Variants in LPXN observed in about 807,000 individuals in gnomAD.
LPXN encodes leupaxin.
In LPXN, 28 loss-of-function variants were observed where a neutral mutation model predicts 45.6. The ratio of observed to expected loss-of-function variants is 0.61; its 90% CI spans 0.45 to 0.84. The LOEUF (loss-of-function observed/expected upper bound fraction) is 0.84, where lower values mean the gene tolerates loss of function less well. LPXN is among the 40% of genes least tolerant of loss of function. The pLI is 0.00. For synonymous variants in LPXN, 166 were observed against 169.9 expected (o/e 0.98, Z 0.18); for missense variants, 459 against 475.0 (o/e 0.97, Z 0.31).
intron 4 of LPXN, among the ~76,000 whole-genome samples, chr11:58,553,269 G>C (rs1441954675): frequency 6.7e-6 from 1 of 149,284 alleles, no homozygotes; most frequent in South Asian, 2.1e-4. Flanking sequence ...CCAGGAGGTG[G>C]AGGTTGCAGT....
chr11:58,574,938 G>A (rs887401251), intron 1 of LPXN, among the ~76,000 whole-genome samples: 2 of 152,084 alleles, frequency 1.3e-5, no homozygotes, highest in African/African-American at 4.8e-5. Flanking sequence ...CCCAAACCAG[G>A]ACACTGTGGA....
At chr11:58,564,303 A>C (rs1854465481) in intron 2 of LPXN, 102 bp from the exon 3 acceptor site, 4 of 762,870 alleles carry the variant, frequency 5.2e-6, no homozygotes, top group Non-Finnish European at 9.1e-6. Context: ...TGTAGCTTTT[A>C]AAGGGGACTG....
chr11:58,539,972 G>A (rs1477319421), intron 7 of LPXN, among the ~76,000 whole-genome samples: 7 of 152,044 alleles, frequency 4.6e-5, no homozygotes, highest in African/African-American at 1.7e-4. Context: ...TAAATTTAGT[G>A]GTCAATGTTA....
intron 4 of LPXN, chr11:58,553,791 T>C (rs1013921819): frequency 2.0e-5 from 3 of 152,232 alleles, no homozygotes; most frequent in African/African-American, 4.8e-5. Flanking sequence ...TTATATTTCC[T>C]TTAATAAATC....
At chr11:58,575,720 C>G (rs748758425) in intron 1 of LPXN, 40 bp downstream of exon 1, 2 of 1,613,118 alleles carry the variant, frequency 1.2e-6, no homozygotes, top group Non-Finnish European at 1.7e-6. Context: ...GCAGCCAAGT[C>G]TTCACTCCCT....
chr11:58,531,255 C>T (rs956080130), intron 7 of LPXN, among the ~76,000 whole-genome samples: 8 of 152,046 alleles, frequency 5.3e-5, no homozygotes, highest in Middle Eastern at 3.4e-3. Context: ...CAAACTCCTC[C>T]GAGCTTTATA....
intron 7 of LPXN, among the ~76,000 whole-genome samples, chr11:58,537,775 TTTTA>T (rs1346001794): frequency 1.3e-5 from 2 of 152,088 alleles, no homozygotes; most frequent in African/African-American, 4.8e-5. Context: ...TTTTATTTTA[TTTTA>T]TTATTATTAT....
At chr11:58,551,930 A>G (rs945559557) in intron 4 of LPXN, among the ~76,000 whole-genome samples, 1 of 152,246 alleles carries the variant, frequency 6.6e-6, no homozygotes, top group Non-Finnish European at 1.5e-5. Flanking sequence ...AACTTGGCAC[A>G]TTAGAAGAAA....
chr11:58,527,756 C>A (rs1341288603), intron 8 of LPXN, 33 bp from the exon 9 acceptor site: 1 of 1,595,936 alleles, frequency 6.3e-7, no homozygotes. Context: ...AAAAAGAATG[C>A]AAATGTCAAG....
chr11:58,574,187 A>G (rs1458931722), intron 1 of LPXN, among the ~76,000 whole-genome samples: 1 of 152,222 alleles, frequency 6.6e-6, no homozygotes, highest in Admixed American at 6.5e-5. Context: ...CTTCCAGGCT[A>G]CTTGGTACTT....
chr11:58,575,709 G>A (rs1237559797), intron 1 of LPXN, 51 bp downstream of exon 1: 3 of 1,603,762 alleles, frequency 1.9e-6, no homozygotes, highest in East Asian at 2.2e-5. Context: ...ACAAGGAGAT[G>A]GCAGCCAAGT....
In LPXN at chr11:58,550,043, GCCAAGCCA is replaced by G. The variant is rs757402934; in HGVS notation, c.582_589del (p.Gly195LeufsTer24). ...TTGGTGGTAGTCGTTGGGGCAGTAG[GCCAAGCCA>G]CTCCGCTCAAAGAAGGGACTGGAGC... On this transcript the variant is annotated frameshift_variant, in exon 6 of 9. Transcript: ENST00000395074. LOFTEE classifies it high-confidence loss of function. 18 of 1,614,184 alleles carry G rather than the reference GCCAAGCCA, an allele frequency of 1.1e-5. No individual in the cohort carries two copies. Among genetic ancestry groups the G allele is most frequent in the Non-Finnish European group, 1.5e-5 (18 of 1,180,022 alleles).
At chr11:58,566,405 A>ATTG (rs1854529789) in intron 2 of LPXN, among the ~76,000 whole-genome samples, 1 of 152,128 alleles carries the variant, frequency 6.6e-6, no homozygotes, top group Admixed American at 6.5e-5. Flanking sequence ...CCTTCATTCA[A>ATTG]AGCACTTTTG....
intron 5 of LPXN, among the ~76,000 whole-genome samples, chr11:58,550,746 C>T (rs563982293): frequency 6.6e-6 from 1 of 152,312 alleles, no homozygotes; most frequent in African/African-American, 2.4e-5. Context: ...TGGTCAAGAA[C>T]TCAAACTCAG....
intron 7 of LPXN, among the ~76,000 whole-genome samples, chr11:58,540,012 A>G (rs184231827): frequency 2.6e-5 from 4 of 152,318 alleles, no homozygotes; most frequent in Admixed American, 6.5e-5. Flanking sequence ...ACCAGTCATT[A>G]TACACCTCTT....
intron 7 of LPXN, among the ~76,000 whole-genome samples, chr11:58,531,170 C>T (rs1209134786): frequency 1.3e-5 from 2 of 152,046 alleles, no homozygotes; most frequent in Non-Finnish European, 2.9e-5. Flanking sequence ...AACTCCTCAA[C>T]ACCAAGGGAA....
At chr11:58,578,155 G>A (rs1188428344), upstream of LPXN, 68 of 1,407,536 alleles carry the variant, frequency 4.8e-5, no homozygotes, top group Non-Finnish European at 6.4e-5. Flanking sequence ...CAGATAAAAA[G>A]TAAGAAAAAG....
chr11:58,550,967 T>A, intron 5 of LPXN, 98 bp downstream of exon 5: 3 of 1,183,210 alleles, frequency 2.5e-6, no homozygotes, highest in Non-Finnish European at 3.4e-6. Flanking sequence ...TTATTAATGC[T>A]AACTAAAATA....
At chr11:58,548,853 G>A (rs947602112) in intron 7 of LPXN, among the ~76,000 whole-genome samples, 1 of 152,278 alleles carries the variant, frequency 6.6e-6, no homozygotes, top group Non-Finnish European at 1.5e-5. Flanking sequence ...CTCTAGTGTA[G>A]TCAGTTTGCT....
Sources: allele counts gnomAD v4.1 joint callset (sites outside exome capture counted in the v4.1 genomes callset), GRCh38; gene constraint gnomAD v4.1.1; transcripts MANE v1.5; gene names NCBI Gene and HGNC (gene_info 2026-07-23, HGNC 2026-07-21).